Variants in SLC35D4 observed in about 807,000 individuals in gnomAD.
SLC35D4 encodes UDP-N-acetylglucosamine transporter SLC35D4.
At chr18:23,306,979 A>G in the SLC35D4 span, among the ~76,000 whole-genome samples, 1 of 152,146 alleles carries the variant, frequency 6.6e-6, no homozygotes, top group Admixed American at 6.5e-5. Flanking sequence ...GAAATAGACT[A>G]TTTATGTGTG....
the SLC35D4 span, chr18:23,298,126 C>T: frequency 4.4e-5 from 71 of 1,598,416 alleles, 1 homozygote; most frequent in South Asian, 1.3e-4. Context: ...AGCTGCCTGG[C>T]GCCCACATAC....
At chr18:23,409,290 T>C in the SLC35D4 span, among the ~76,000 whole-genome samples, 2 of 152,234 alleles carry the variant, frequency 1.3e-5, no homozygotes, top group Non-Finnish European at 2.9e-5. Flanking sequence ...ATTGTCTATA[T>C]GCGCACATAT....
At chr18:23,437,552 T>C in the SLC35D4 span, among the ~76,000 whole-genome samples, 5 of 152,110 alleles carry the variant, frequency 3.3e-5, no homozygotes, top group South Asian at 2.1e-4. Flanking sequence ...AAAAATCCTG[T>C]TTCCCTGGAG....
chr18:23,264,326 G>T, the SLC35D4 span, among the ~76,000 whole-genome samples: 43 of 151,436 alleles, frequency 2.8e-4, no homozygotes, highest in South Asian at 7.5e-3. Flanking sequence ...AGGAGCAAGA[G>T]GGGTGGGAAG....
the SLC35D4 span, among the ~76,000 whole-genome samples, chr18:23,405,023 A>AAAAAC: frequency 1.5e-5 from 2 of 131,610 alleles, no homozygotes; most frequent in African/African-American, 5.9e-5. Flanking sequence ...AAAAAAAAAA[A>AAAAAC]CAGGCCCAAG....
At chr18:23,380,339 C>T in the SLC35D4 span, among the ~76,000 whole-genome samples, 4 of 152,106 alleles carry the variant, frequency 2.6e-5, no homozygotes, top group South Asian at 2.1e-4. Flanking sequence ...GCCAGTCCTG[C>T]GGTGTCACCC....
At chr18:23,309,869 T>A in the SLC35D4 span, 3 of 898,412 alleles carry the variant, frequency 3.3e-6, no homozygotes, top group African/African-American at 3.3e-5. Flanking sequence ...TTCGTTCCAC[T>A]TCCCGTGTCC....
At chr18:23,384,078 T>C in the SLC35D4 span, among the ~76,000 whole-genome samples, 1 of 148,068 alleles carries the variant, frequency 6.8e-6, no homozygotes, top group Non-Finnish European at 1.5e-5. Flanking sequence ...CCTTTAAGCC[T>C]AGGAGCTCGA....
At chr18:23,308,788 T>G in the SLC35D4 span, among the ~76,000 whole-genome samples, 1 of 152,100 alleles carries the variant, frequency 6.6e-6, no homozygotes, top group African/African-American at 2.4e-5. Context: ...ATTTGGAGCT[T>G]ATCTGAAAGT....
At chr18:23,411,479 G>GAAAGAAAGAAAGAAAGAA in the SLC35D4 span, among the ~76,000 whole-genome samples, 1 of 72,778 alleles carries the variant, frequency 1.4e-5, no homozygotes. Flanking sequence ...AAGAAAGAAA[G>GAAAGAAAGAAAGAAAGAA]AGATAGAAAG....
chr18:23,266,627 C>T, the SLC35D4 span, among the ~76,000 whole-genome samples: 1 of 152,240 alleles, frequency 6.6e-6, no homozygotes, highest in African/African-American at 2.4e-5. Context: ...GGTGGCTTCA[C>T]AGCCATTAGC....
chr18:23,257,207 T>C, the SLC35D4 span: 4 of 1,605,700 alleles, frequency 2.5e-6, no homozygotes, highest in Non-Finnish European at 3.4e-6. Context: ...AACATGCTTT[T>C]GATTTTCTTT....
chr18:23,405,886 C>T, the SLC35D4 span, among the ~76,000 whole-genome samples: 1 of 152,208 alleles, frequency 6.6e-6, no homozygotes, highest in East Asian at 1.9e-4. Flanking sequence ...TAGTTAGTCA[C>T]CTGGTATGTG....
At chr18:23,408,426 T>G in the SLC35D4 span, among the ~76,000 whole-genome samples, 3 of 152,212 alleles carry the variant, frequency 2.0e-5, no homozygotes, top group African/African-American at 4.8e-5. Context: ...CATTTTTTTT[T>G]GTCTTCTCTC....
the SLC35D4 span, chr18:23,421,590 A>G: frequency 1.5e-6 from 1 of 647,784 alleles, no homozygotes; most frequent in East Asian, 2.9e-5. Context: ...CAATTATCCC[A>G]TTTCTCAGAC....
chr18:23,411,833 A>AT, the SLC35D4 span, among the ~76,000 whole-genome samples: 1 of 152,190 alleles, frequency 6.6e-6, no homozygotes, highest in African/African-American at 2.4e-5. Flanking sequence ...CGTTATTGAG[A>AT]TGAAGGCTAA....
At chr18:23,379,907 A>G in the SLC35D4 span, among the ~76,000 whole-genome samples, 6 of 152,128 alleles carry the variant, frequency 3.9e-5, 1 homozygote, top group South Asian at 1.2e-3. Context: ...ACCAGCCTGG[A>G]CAACATGGCG....
chr18:23,311,760 T>C, the SLC35D4 span, among the ~76,000 whole-genome samples: 1 of 152,252 alleles, frequency 6.6e-6, no homozygotes, highest in Non-Finnish European at 1.5e-5. Flanking sequence ...ATTTAGCTGT[T>C]TGAAGAAATA....
chr18:23,255,398 T>C, the SLC35D4 span, among the ~76,000 whole-genome samples: 2 of 152,082 alleles, frequency 1.3e-5, no homozygotes, highest in Admixed American at 6.5e-5. Flanking sequence ...TACTCCCCAA[T>C]TGAAAAGAGT....
Sources: allele counts gnomAD v4.1 joint callset (sites outside exome capture counted in the v4.1 genomes callset), GRCh38; gene constraint gnomAD v4.1.1; transcripts MANE v1.5; gene names NCBI Gene and HGNC (gene_info 2026-07-23, HGNC 2026-07-21).